Variants in POLN observed in about 807,000 individuals in gnomAD.
POLN encodes DNA polymerase N.
In POLN, 108 loss-of-function variants were observed where a neutral mutation model predicts 113.5. That is an observed-to-expected ratio of 0.95 (90% CI 0.81 to 1.12). The LOEUF (loss-of-function observed/expected upper bound fraction) is 1.12, where lower values mean the gene tolerates loss of function less well. Ranked by LOEUF, POLN falls within the 50% of genes most tolerant of loss-of-function variation. POLN has a pLI of 0.00. For missense variants in POLN, 1,097 were observed against 1,077.1 expected (o/e 1.02, Z -0.26); for synonymous variants, 386 against 391.5 (o/e 0.99, Z 0.17).
chr4:2,103,664 G>GT (rs1299349995), intron 19 of POLN, among the ~76,000 whole-genome samples: 3 of 152,122 alleles, frequency 2.0e-5, no homozygotes, highest in African/African-American at 7.2e-5. Flanking sequence ...TAATCAGACC[G>GT]TCTAAAGTGA....
intron 19 of POLN, among the ~76,000 whole-genome samples, chr4:2,108,373 A>T (rs952990460): frequency 6.6e-6 from 1 of 152,146 alleles, no homozygotes; most frequent in African/African-American, 2.4e-5. Context: ...CAGCATCCTA[A>T]GTGTTGGCTG....
chr4:2,107,878 T>C (rs1007086495), intron 19 of POLN, among the ~76,000 whole-genome samples: 1 of 152,192 alleles, frequency 6.6e-6, no homozygotes, highest in Non-Finnish European at 1.5e-5. Flanking sequence ...ATATTGCCAA[T>C]GATGGACACA....
intron 16 of POLN, among the ~76,000 whole-genome samples, chr4:2,143,570 A>C (rs572635420): frequency 3.3e-5 from 5 of 152,342 alleles, no homozygotes; most frequent in Non-Finnish European, 7.4e-5. Flanking sequence ...CCCCAAAAAT[A>C]AATATCTAGG....
chr4:2,232,162 T>TA, intron 2 of POLN: 1 of 1,364,334 alleles, frequency 7.3e-7, no homozygotes, highest in Non-Finnish European at 1.0e-6. Flanking sequence ...TGTTAACTCC[T>TA]AAAAAAGGAA....
At chr4:2,119,934 G>A (rs1261054650) in intron 19 of POLN, among the ~76,000 whole-genome samples, 1 of 152,110 alleles carries the variant, frequency 6.6e-6, no homozygotes, top group African/African-American at 2.4e-5. Context: ...TAAAATGCAG[G>A]GAAGACATAT....
chr4:2,113,288 A>T (rs1017630170), intron 19 of POLN, among the ~76,000 whole-genome samples: 6 of 150,924 alleles, frequency 4.0e-5, no homozygotes, highest in African/African-American at 1.5e-4. Flanking sequence ...CTAATGCTAA[A>T]TGACGAGTTA....
At chr4:2,176,373 C>T (rs1331945592) in intron 8 of POLN, 39 bp from the exon 9 acceptor site, 1 of 1,505,974 alleles carries the variant, frequency 6.6e-7, no homozygotes, top group East Asian at 2.3e-5. Context: ...ATCAGATAAA[C>T]TTGGTGGCAG....
intron 5 of POLN, among the ~76,000 whole-genome samples, chr4:2,206,420 C>T (rs1245853180): frequency 2.6e-5 from 4 of 152,182 alleles, no homozygotes; most frequent in African/African-American, 9.7e-5. Flanking sequence ...AACTAAAAGG[C>T]TTTTGCATAG....
chr4:2,175,245 T>C (rs938806653), intron 9 of POLN, among the ~76,000 whole-genome samples: 8 of 152,154 alleles, frequency 5.3e-5, no homozygotes, highest in African/African-American at 1.9e-4. Flanking sequence ...TTCCCTTAAG[T>C]AGGCTATTTT....
chr4:2,138,676 C>T (rs577010393), intron 16 of POLN, among the ~76,000 whole-genome samples: 1 of 151,960 alleles, frequency 6.6e-6, no homozygotes, highest in African/African-American at 2.4e-5. Flanking sequence ...TTGAGGTGGG[C>T]GGATCATTTG....
At chr4:2,234,452 T>A in intron 2 of POLN, 1 of 153,060 alleles carries the variant, frequency 6.5e-6, no homozygotes, top group African/African-American at 2.4e-5. Flanking sequence ...CTGCCCCATA[T>A]CCTTGGTCTT....
chr4:2,227,093 T>C (rs186671895), intron 3 of POLN, among the ~76,000 whole-genome samples: 24 of 152,366 alleles, frequency 1.6e-4, no homozygotes, highest in African/African-American at 5.8e-4. Flanking sequence ...ATGGGACTAT[T>C]GATTAGCTTC....
intron 13 of POLN, among the ~76,000 whole-genome samples, chr4:2,169,684 T>G (rs1260209059): frequency 6.6e-6 from 1 of 152,220 alleles, no homozygotes; most frequent in African/African-American, 2.4e-5. Context: ...CGAGCAATGT[T>G]TTCATGTTGT....
intron 5 of POLN, among the ~76,000 whole-genome samples, chr4:2,204,109 CAAAAAAAAAAAAAA>C (rs566255148): frequency 1.9e-5 from 1 of 53,234 alleles, no homozygotes; most frequent in Non-Finnish European, 3.5e-5. Context: ...AACTCTATCA[CAAAAAAAAAAAAAA>C]AAAAAAAAAA....
chr4:2,083,248 A>G (rs1730471857), intron 21 of POLN, among the ~76,000 whole-genome samples: 1 of 152,080 alleles, frequency 6.6e-6, no homozygotes, highest in Non-Finnish European at 1.5e-5. Context: ...GGCTTACAAA[A>G]TCCAGCTGCA....
At position 2,236,170 on chromosome 4, in the gene POLN, T is replaced by G. The variant is rs1005839956; in HGVS notation, c.-13+5350A>C. The G allele has an allele frequency of 4.0e-6, 4 of 1,010,832 alleles. No individual in the cohort carries two copies. In the African/African-American group the frequency reaches 6.5e-5, roughly 16 times the overall value. 62.6% of individuals were successfully genotyped at this position (1,010,832 alleles called of 1,614,324 possible). A position where few individuals can be genotyped will look rare whatever the true frequency, so the allele number is the denominator to read the frequency against. ...CCTCATGTTAACATTTTCTTTAATA[T>G]CTTTTACAACAAGCATTTTTTTAAA... is the stretch of plus-strand genomic sequence containing the variant. On this transcript the variant is annotated intron_variant, in intron 2 of 25. Transcript: ENST00000511885.
At chr4:2,146,351 CA>C (rs34907606) in intron 16 of POLN, among the ~76,000 whole-genome samples, 127,672 of 151,350 alleles carry the variant, frequency 0.84, 54,933 homozygotes, top group Non-Finnish European at 0.94. Context: ...ACTAAAAATA[CA>C]AAAAAATTAG....
chr4:2,155,895 C>T (rs1326164218), intron 16 of POLN, among the ~76,000 whole-genome samples: 3 of 151,800 alleles, frequency 2.0e-5, no homozygotes, highest in Non-Finnish European at 4.4e-5. Flanking sequence ...AGTGCAGTGG[C>T]GTTATCTCGG....
At position 2,171,168 on chromosome 4, in the gene POLN, T is replaced by C; in HGVS notation, c.1388A>G (p.Glu463Gly). The C allele has an allele frequency of 6.2e-7, 1 of 1,613,338 alleles. No individual in the cohort carries two copies. Among genetic ancestry groups the C allele is most frequent in the Non-Finnish European group, 8.5e-7 (1 of 1,179,658 alleles). The part of the protein sequence containing the change: ...TSALLGARLK[E>G]LEQEAHFVAG... ...AACAAAATGAGCTTCTTGCTCCAAT[T>C]CCTTGAGACGAGCCTGAAAATATGA... The change falls in exon 12 of 26, where the codon GAA (glutamate) becomes GGA (glycine). Residue 463 changes from glutamate (E) to glycine (G), a missense_variant. Coordinates refer to ENST00000511885, the MANE Select transcript of POLN (RefSeq NM_181808.4).
Sources: gnomAD v4.1 joint callset for allele counts (sites outside exome capture counted in the v4.1 genomes callset) on GRCh38, gnomAD v4.1.1 for gene constraint, MANE v1.5 for transcripts, NCBI Gene and HGNC (gene_info 2026-07-23, HGNC 2026-07-21) for gene names.